The following STX18 variants were observed in gnomAD, a reference collection of about 807,000 sequenced individuals.
The protein encoded by STX18 is syntaxin 18.
Under a neutral mutation model 50.1 loss-of-function variants are expected in STX18, and 40 were observed. The ratio of observed to expected loss-of-function variants is 0.80; its 90% CI spans 0.62 to 1.04. The LOEUF (loss-of-function observed/expected upper bound fraction) is 1.04, where lower values mean the gene tolerates loss of function less well. STX18 is among the 50% of genes least tolerant of loss of function. The pLI, the probability that STX18 is intolerant of heterozygous loss-of-function variation, is 0.00. For synonymous variants in STX18, 158 were observed against 151.8 expected (o/e 1.04, Z -0.30); for missense variants, 410 against 415.8 (o/e 0.99, Z 0.12).
chr4:4,434,692 G>T, intron 7 of STX18, 78 bp downstream of exon 7: 1 of 1,175,880 alleles, frequency 8.5e-7, no homozygotes, highest in Non-Finnish European at 1.2e-6. Context: ...CAAGGGCATT[G>T]AGGATGAGTT....
intron 5 of STX18, among the ~76,000 whole-genome samples, chr4:4,454,193 C>T (rs1726945252): frequency 6.6e-6 from 1 of 152,084 alleles, no homozygotes; most frequent in Non-Finnish European, 1.5e-5. Context: ...TGCCTTCTGC[C>T]TAAAGATGAG....
chr4:4,459,062 G>GCACACACACACACACACACACA (rs60704649), intron 3 of STX18, among the ~76,000 whole-genome samples: 1 of 144,282 alleles, frequency 6.9e-6, no homozygotes, highest in Non-Finnish European at 1.5e-5. Flanking sequence ...ACACACACAC[G>GCACACACACACACACACACACA]CACACACACA....
chr4:4,419,636 C>A lies in STX18; in HGVS notation c.*398G>T. On this transcript the variant is annotated 3_prime_UTR_variant, in exon 11 of 11. Transcript: ENST00000306200. Reference sequence around the variant, plus strand: ...GAGACGTTATTAACTATGATCTTCCCTGAAGCTACCGGGATGGGAAAGGTC... The same window carrying A: ...GAGACGTTATTAACTATGATCTTCCATGAAGCTACCGGGATGGGAAAGGTC... 1 of 166,520 alleles carries A rather than the reference C, an allele frequency of 6.0e-6. No homozygotes were observed. Among genetic ancestry groups the A allele is most frequent in the Admixed American group, 6.2e-5 (1 of 16,168 alleles). The allele number at this position is 166,520 out of a possible 1,614,324, so 10.3% of individuals were successfully genotyped here.
At chr4:4,525,659 A>G (rs1007784552) in intron 1 of STX18, among the ~76,000 whole-genome samples, 2 of 152,200 alleles carry the variant, frequency 1.3e-5, no homozygotes, top group Non-Finnish European at 2.9e-5. Context: ...AAGCATGAAA[A>G]TAGAGTCCTG....
At chr4:4,485,986 G>A (rs1728683521) in intron 1 of STX18, among the ~76,000 whole-genome samples, 1 of 152,158 alleles carries the variant, frequency 6.6e-6, no homozygotes, top group African/African-American at 2.4e-5. Context: ...TACGAGTGGT[G>A]GATGGTCAGC....
intron 8 of STX18, 101 bp downstream of exon 8, chr4:4,425,063 G>C: frequency 1.8e-6 from 2 of 1,109,856 alleles, no homozygotes; most frequent in Non-Finnish European, 2.7e-6. Flanking sequence ...ACCAGCCCAA[G>C]GGCCCCATGG....
At chr4:4,435,757 A>G (rs751690968) in intron 6 of STX18, among the ~76,000 whole-genome samples, 17 of 152,236 alleles carry the variant, frequency 1.1e-4, no homozygotes, top group Non-Finnish European at 1.8e-4. Flanking sequence ...AAGGGAGCGT[A>G]GGAACATTTT....
chr4:4,509,606 T>C (rs1485375386), intron 1 of STX18, among the ~76,000 whole-genome samples: 1 of 152,132 alleles, frequency 6.6e-6, no homozygotes, highest in South Asian at 2.1e-4. Context: ...TTTAGACAAA[T>C]AATAATAAGT....
chr4:4,425,483 TG>T, intron 7 of STX18: 1 of 576,710 alleles, frequency 1.7e-6, no homozygotes, highest in Non-Finnish European at 3.1e-6. Flanking sequence ...ACAAGCTGAC[TG>T]CTATGGCTGT....
intron 1 of STX18, among the ~76,000 whole-genome samples, chr4:4,514,778 GA>G (rs1006201920): frequency 3.9e-4 from 56 of 144,728 alleles, no homozygotes; most frequent in Middle Eastern, 7.2e-3. Flanking sequence ...TGGTCTGTGG[GA>G]AAAAAAAAAA....
At chr4:4,535,820 T>C (rs1235751084) in intron 1 of STX18, among the ~76,000 whole-genome samples, 1 of 152,230 alleles carries the variant, frequency 6.6e-6, no homozygotes, top group Non-Finnish European at 1.5e-5. Flanking sequence ...ACCTGTTGCA[T>C]GATACTGCTT....
intron 1 of STX18, among the ~76,000 whole-genome samples, chr4:4,535,531 G>T (rs747286518): frequency 6.6e-6 from 1 of 152,156 alleles, no homozygotes; most frequent in Non-Finnish European, 1.5e-5. Context: ...CCTCTGGTTG[G>T]TTCCTAGGGG....
At chr4:4,462,164 T>G (rs1232496258) in intron 2 of STX18, among the ~76,000 whole-genome samples, 1 of 152,064 alleles carries the variant, frequency 6.6e-6, no homozygotes, top group African/African-American at 2.4e-5. Flanking sequence ...TCCATTTCTT[T>G]CTTTCTCCCT....
At position 4,541,788 on chromosome 4, in the gene STX18, C is replaced by G. The variant is rs747976401; in HGVS notation, c.168+9G>C. 6.2e-5 allele frequency: 99 copies of G among 1,603,454 alleles called. No individual in the cohort carries two copies. In the East Asian group the frequency reaches 2.2e-3, roughly 36 times the overall value. ...CCTCAACCCGCCGTTTCCATAGCAA[C>G]CAGCTCACCACTTCGCGGGCCCGGC... On this transcript the variant is annotated intron_variant, in intron 1 of 10. Coordinates refer to ENST00000306200, the MANE Select transcript of STX18 (RefSeq NM_016930.4).
At chr4:4,445,685 A>G (rs1304450373) in intron 5 of STX18, among the ~76,000 whole-genome samples, 1 of 152,170 alleles carries the variant, frequency 6.6e-6, no homozygotes, top group Admixed American at 6.5e-5. Context: ...AAATTTAAAA[A>G]TAAAGTGGAA....
chr4:4,462,151 G>C (rs1727412644), intron 2 of STX18, among the ~76,000 whole-genome samples: 1 of 151,958 alleles, frequency 6.6e-6, no homozygotes, highest in Admixed American at 6.5e-5. Flanking sequence ...TCTGACTCCT[G>C]CCTCCATTTC....
At position 4,478,375 on chromosome 4, in the gene STX18, A is replaced by G. The variant is rs372645187; in HGVS notation, c.169-6669T>C. ...GAAGGTTCACAAATACAGCAAGGAA[A>G]AAGAATGGTCAGAAAGACTGGCAGT... On this transcript the variant is annotated intron_variant, in intron 1 of 10. Transcript: ENST00000306200. Among the ~76,000 whole-genome samples the G allele has an allele frequency of 1.3e-4, 20 of 152,346 alleles. 1 individual carries two copies. Among genetic ancestry groups the G allele is most frequent in the African/African-American group, 4.8e-4 (20 of 41,572 alleles).
intron 1 of STX18, among the ~76,000 whole-genome samples, chr4:4,512,142 G>A (rs1163821116): frequency 6.6e-6 from 1 of 152,034 alleles, no homozygotes; most frequent in Non-Finnish European, 1.5e-5. Context: ...GATACAGCTA[G>A]CCTCTGCAAC....
chr4:4,459,062 G>GCGCACACA (rs71638564), intron 3 of STX18, among the ~76,000 whole-genome samples: 110 of 144,392 alleles, frequency 7.6e-4, no homozygotes, highest in South Asian at 3.6e-3. Flanking sequence ...ACACACACAC[G>GCGCACACA]CACACACACA....
Sources: allele counts gnomAD v4.1 joint callset (sites outside exome capture counted in the v4.1 genomes callset), GRCh38; gene constraint gnomAD v4.1.1; transcripts MANE v1.5; gene names NCBI Gene and HGNC (gene_info 2026-07-23, HGNC 2026-07-21).